Variants in STX7 observed in about 807,000 individuals in gnomAD.
STX7 encodes syntaxin 7.
In STX7, 34 loss-of-function variants were observed where a neutral mutation model predicts 39.6. That is an observed-to-expected ratio of 0.86 (90% CI 0.65 to 1.14). The LOEUF (loss-of-function observed/expected upper bound fraction) is 1.14. Ranked by LOEUF, STX7 falls within the 50% of genes most tolerant of loss-of-function variation. STX7 has a pLI of 0.00. For missense variants in STX7, 284 were observed against 310.4 expected (o/e 0.92, Z 0.64); for synonymous variants, 119 against 99.1 (o/e 1.20, Z -1.19).
chr6:132,486,065 C>T (rs905384732), intron 2 of STX7, among the ~76,000 whole-genome samples: 1 of 152,156 alleles, frequency 6.6e-6, no homozygotes, highest in African/African-American at 2.4e-5. Flanking sequence ...TGATCAGATA[C>T]TTACTAAATT....
intron 2 of STX7, among the ~76,000 whole-genome samples, chr6:132,494,317 C>G (rs1279943744): frequency 1.3e-5 from 2 of 152,088 alleles, no homozygotes; most frequent in African/African-American, 2.4e-5. Context: ...TGTGTAAATA[C>G]TTCTGTAGCC....
intron 1 of STX7, among the ~76,000 whole-genome samples, chr6:132,505,803 A>C (rs1397898581): frequency 1.3e-5 from 2 of 152,034 alleles, no homozygotes; most frequent in African/African-American, 4.8e-5. Flanking sequence ...TAAGAAAAAG[A>C]ACAAAGCTGG....
rs1774193973 is a variant in STX7 at position 132,454,037 on chromosome 6, T to C, written c.*6721A>G. 1 of 151,586 alleles carries C rather than the reference T, an allele frequency of 6.6e-6. No homozygotes were observed. Among genetic ancestry groups the C allele is most frequent in the African/African-American group, 2.4e-5 (1 of 41,366 alleles). 9.4% of individuals were successfully genotyped at this position (151,586 alleles called of 1,614,324 possible). ...AACTGGCCCAATGTCTCTCAGCAGGTGAACAGTTAAACAAACTGTGGTACA... is the reference window on the plus strand; with the variant it reads ...AACTGGCCCAATGTCTCTCAGCAGGCGAACAGTTAAACAAACTGTGGTACA... On this transcript the variant is annotated 3_prime_UTR_variant, in exon 10 of 10. Coordinates refer to ENST00000367941, the MANE Select transcript of STX7 (RefSeq NM_003569.3).
intron 2 of STX7, among the ~76,000 whole-genome samples, chr6:132,499,610 A>G (rs182344170): frequency 6.6e-6 from 1 of 152,216 alleles, no homozygotes; most frequent in African/African-American, 2.4e-5. Context: ...TTTAATTTCT[A>G]GAAATCTACC....
intron 2 of STX7, among the ~76,000 whole-genome samples, chr6:132,501,896 G>T (rs578166462): frequency 7.5e-4 from 114 of 151,896 alleles, no homozygotes; most frequent in African/African-American, 2.7e-3. Context: ...AAAAGAAAAG[G>T]AAAGAGGCTC....
chr6:132,471,407 T>C, intron 5 of STX7, 56 bp downstream of exon 5: 9 of 1,552,130 alleles, frequency 5.8e-6, no homozygotes, highest in Non-Finnish European at 7.8e-6. Flanking sequence ...TAGACTTTTA[T>C]GGGACCCTTA....
At chr6:132,466,768 C>G (rs1405930991) in intron 8 of STX7, among the ~76,000 whole-genome samples, 1 of 152,182 alleles carries the variant, frequency 6.6e-6, no homozygotes. Context: ...TCAAACTTAA[C>G]ATATTCAAAA....
At chr6:132,489,515 C>T (rs1285308185) in intron 2 of STX7, among the ~76,000 whole-genome samples, 1 of 152,212 alleles carries the variant, frequency 6.6e-6, no homozygotes, top group Non-Finnish European at 1.5e-5. Flanking sequence ...CCCTCTAGCA[C>T]TAGTATATCT....
In STX7 at chr6:132,480,996, G is replaced by C. The variant is rs188453113; in HGVS notation, c.86-5334C>G. Among the ~76,000 whole-genome samples, 27 of 152,240 alleles carry C rather than the reference G, an allele frequency of 1.8e-4. 1 individual carries two copies. The highest frequency in any genetic ancestry group is 1.4e-3 in the Admixed American group (21 of 15,286). On this transcript the variant is annotated intron_variant, in intron 2 of 9. Coordinates refer to ENST00000367941, the MANE Select transcript of STX7 (RefSeq NM_003569.3). Reference sequence around the variant, plus strand: ...GTTCCACAGGCTAAGGAATACTGCTGTTCAGTTTTGCTGAAAGAGGAGGAG... The same window carrying C: ...GTTCCACAGGCTAAGGAATACTGCTCTTCAGTTTTGCTGAAAGAGGAGGAG...
rs1774178386 is a variant in STX7, at chr6:132,453,377, A to T, written c.*7381T>A. The T allele has an allele frequency of 6.6e-6, 1 of 152,110 alleles. No homozygotes were observed. Among genetic ancestry groups the T allele is most frequent in the South Asian group, 2.1e-4 (1 of 4,830 alleles). 9.4% of individuals were successfully genotyped at this position (152,110 alleles called of 1,614,324 possible). On this transcript the variant is annotated 3_prime_UTR_variant, in exon 10 of 10. Coordinates refer to ENST00000367941, the MANE Select transcript of STX7 (RefSeq NM_003569.3). ...TCTTGATACCAGAAGCATGATCCAT[A>T]AAAAGAAAAATGGATAGAGTGGACT...
chr6:132,460,735 C>T lies in STX7; in HGVS notation c.*23G>A, dbSNP rs188673939. The T allele has an allele frequency of 1.0e-3, 1,528 of 1,525,762 alleles. 8 individuals carry two copies. The highest frequency in any genetic ancestry group is 1.4e-3 in the Middle Eastern group (8 of 5,862). The allele number at this position is 1,525,762 out of a possible 1,614,324, so 94.5% of individuals were successfully genotyped here. ...CCTACATAATTTAGACAATGTAGTGCGACAGTGTGCTCCTTTATAACTTCA... is the reference window on the plus strand; with the variant it reads ...CCTACATAATTTAGACAATGTAGTGTGACAGTGTGCTCCTTTATAACTTCA... On this transcript the variant is annotated 3_prime_UTR_variant, in exon 10 of 10. Transcript: ENST00000367941.
At chr6:132,482,205 A>G (rs1775030095) in intron 2 of STX7, among the ~76,000 whole-genome samples, 1 of 152,194 alleles carries the variant, frequency 6.6e-6, no homozygotes, top group Admixed American at 6.5e-5. Flanking sequence ...CCCATTTATT[A>G]TTCATTCATT....
In STX7 at chr6:132,468,396, G is replaced by A. The variant is rs775447540; in HGVS notation, c.610+7C>T. The A allele has an allele frequency of 1.9e-6, 3 of 1,606,376 alleles. No homozygotes were observed. Among genetic ancestry groups the A allele is most frequent in the South Asian group, 2.2e-5 (2 of 90,534 alleles). On this transcript the variant is annotated splice_region_variant and intron_variant, in intron 8 of 9. Transcript: ENST00000367941. Reference sequence around the variant, plus strand: ...TCACCTCCAAAATCTAAGTCAGCAGGTCTTACCTATTACATCTCCTTGTTC... The same window carrying A: ...TCACCTCCAAAATCTAAGTCAGCAGATCTTACCTATTACATCTCCTTGTTC...
intron 2 of STX7, 37 bp from the exon 3 acceptor site, chr6:132,475,699 AAAGTT>A (rs1239026185): frequency 1.4e-6 from 2 of 1,457,966 alleles, no homozygotes; most frequent in Non-Finnish European, 1.9e-6. Flanking sequence ...AATTGTCACA[AAAGTT>A]AAGGTAACAG....
chr6:132,475,732 T>A, intron 2 of STX7, 70 bp from the exon 3 acceptor site: 1 of 1,079,218 alleles, frequency 9.3e-7, no homozygotes, highest in Non-Finnish European at 1.4e-6. Context: ...TAAAAATTAA[T>A]ATGTACAAGC....
chr6:132,504,671 C>T (rs778024675), intron 1 of STX7, among the ~76,000 whole-genome samples: 4 of 152,182 alleles, frequency 2.6e-5, no homozygotes, highest in Admixed American at 6.5e-5. Flanking sequence ...GACACAGTAT[C>T]TGCTCAAATC....
chr6:132,471,170 T>A (rs776543965), intron 5 of STX7, among the ~76,000 whole-genome samples: 3 of 152,220 alleles, frequency 2.0e-5, no homozygotes, highest in East Asian at 1.9e-4. Flanking sequence ...ACCAAGACGA[T>A]GTGAGAATAC....
intron 2 of STX7, among the ~76,000 whole-genome samples, chr6:132,482,772 G>A (rs1337774581): frequency 6.6e-6 from 1 of 152,100 alleles, no homozygotes; most frequent in Non-Finnish European, 1.5e-5. Context: ...CTTCTTCCCA[G>A]CTGAAAGTGA....
intron 1 of STX7, among the ~76,000 whole-genome samples, chr6:132,507,931 T>G (rs1775748243): frequency 6.6e-6 from 1 of 152,256 alleles, no homozygotes; most frequent in Non-Finnish European, 1.5e-5. Flanking sequence ...ACCCTTGGCT[T>G]TCTCTCGTGT....
Sources: allele counts gnomAD v4.1 joint callset (sites outside exome capture counted in the v4.1 genomes callset), GRCh38; gene constraint gnomAD v4.1.1; transcripts MANE v1.5; gene names NCBI Gene and HGNC (gene_info 2026-07-23, HGNC 2026-07-21).